Variants in HYCC1 observed in about 807,000 individuals in gnomAD.
HYCC1 encodes the protein hyccin PI4KA lipid kinase complex subunit 1, also known as hyccin.
chr7:22,911,110 G>A, the HYCC1 span, among the ~76,000 whole-genome samples: 1 of 152,108 alleles, frequency 6.6e-6, no homozygotes, highest in Admixed American at 6.5e-5. Flanking sequence ...TTCATTTCAG[G>A]AACAGAAAGG....
chr7:22,944,703 A>T, the HYCC1 span: 1 of 152,202 alleles, frequency 6.6e-6, no homozygotes, highest in East Asian at 1.9e-4. Flanking sequence ...ATTTCCAGGA[A>T]GTCTTCCAAT....
the HYCC1 span, among the ~76,000 whole-genome samples, chr7:22,950,474 G>T: frequency 1.3e-5 from 2 of 151,874 alleles, no homozygotes; most frequent in East Asian, 1.9e-4. Context: ...TGAATATTCT[G>T]TTATGAGATT....
At chr7:22,961,584 C>A in the HYCC1 span, among the ~76,000 whole-genome samples, 1 of 152,012 alleles carries the variant, frequency 6.6e-6, no homozygotes, top group African/African-American at 2.4e-5. Flanking sequence ...ATAAAAAAAG[C>A]TAAGGCAATT....
the HYCC1 span, among the ~76,000 whole-genome samples, chr7:23,005,849 T>G: frequency 6.6e-6 from 1 of 152,208 alleles, no homozygotes; most frequent in Non-Finnish European, 1.5e-5. Context: ...GATTTACACA[T>G]TTTTATCTTC....
the HYCC1 span, among the ~76,000 whole-genome samples, chr7:22,904,137 A>T: frequency 1.3e-5 from 2 of 152,298 alleles, no homozygotes; most frequent in East Asian, 3.9e-4. Context: ...ACCTTAAAAA[A>T]ATATGTTTTT....
chr7:22,955,511 A>T, the HYCC1 span, among the ~76,000 whole-genome samples: 1 of 151,698 alleles, frequency 6.6e-6, no homozygotes, highest in Non-Finnish European at 1.5e-5. Flanking sequence ...AGCACTCATT[A>T]TTTGGAACTA....
chr7:22,946,491 A>T, the HYCC1 span, among the ~76,000 whole-genome samples: 1 of 152,102 alleles, frequency 6.6e-6, no homozygotes. Flanking sequence ...ACTAGGGGTG[A>T]ACTCTCCTTC....
chr7:22,963,217 A>G, the HYCC1 span, among the ~76,000 whole-genome samples: 3 of 152,238 alleles, frequency 2.0e-5, no homozygotes, highest in Non-Finnish European at 2.9e-5. Context: ...AGATAAAGCA[A>G]GCAGTGGAAC....
At chr7:23,001,609 C>T in the HYCC1 span, among the ~76,000 whole-genome samples, 149 of 152,180 alleles carry the variant, frequency 9.8e-4, no homozygotes, top group South Asian at 2.1e-3. Flanking sequence ...AGTAAAAGAA[C>T]ATGGTAGGGT....
chr7:22,948,418 C>A, the HYCC1 span, among the ~76,000 whole-genome samples: 1 of 152,026 alleles, frequency 6.6e-6, no homozygotes, highest in Non-Finnish European at 1.5e-5. Flanking sequence ...ATTGGTATCA[C>A]CTGAGCATCT....
the HYCC1 span, among the ~76,000 whole-genome samples, chr7:22,917,773 C>T: frequency 6.6e-6 from 1 of 152,182 alleles, no homozygotes; most frequent in Non-Finnish European, 1.5e-5. Flanking sequence ...AACCACCACC[C>T]TTAAGTCTCT....
At chr7:22,993,920 T>A in the HYCC1 span, among the ~76,000 whole-genome samples, 1 of 152,132 alleles carries the variant, frequency 6.6e-6, no homozygotes, top group Non-Finnish European at 1.5e-5. Flanking sequence ...TCAACAGAAA[T>A]GAGGACATAT....
the HYCC1 span, among the ~76,000 whole-genome samples, chr7:22,906,125 A>AT: frequency 0.2 from 29,836 of 152,000 alleles, 3,560 homozygotes; most frequent in Non-Finnish European, 0.27. Context: ...GAATGCGGCA[A>AT]TTTTTTTTCC....
At chr7:23,013,825 G>C in the HYCC1 span, 3 of 421,006 alleles carry the variant, frequency 7.1e-6, no homozygotes, top group African/African-American at 6.1e-5. Context: ...TCCCGGTCCT[G>C]TCCTCGCCGC....
the HYCC1 span, among the ~76,000 whole-genome samples, chr7:22,996,113 G>A: frequency 6.6e-6 from 1 of 151,970 alleles, no homozygotes; most frequent in Non-Finnish European, 1.5e-5. Context: ...GGCCAACACA[G>A]TGAAACCCCT....
chr7:22,917,119 C>T, the HYCC1 span, among the ~76,000 whole-genome samples: 1 of 152,178 alleles, frequency 6.6e-6, no homozygotes, highest in Non-Finnish European at 1.5e-5. Context: ...GCTAAAAAAG[C>T]AGCTAGCATT....
chr7:22,924,280 G>A, the HYCC1 span, among the ~76,000 whole-genome samples: 14 of 151,884 alleles, frequency 9.2e-5, no homozygotes, highest in South Asian at 2.1e-4. Context: ...GGTGATTTCC[G>A]CATTTCCAAC....
chr7:22,898,589 C>CTTT, the HYCC1 span, among the ~76,000 whole-genome samples: 1 of 56,638 alleles, frequency 1.8e-5, no homozygotes. Context: ...CTTTTCTTTT[C>CTTT]TTTTCTTTTC....
the HYCC1 span, among the ~76,000 whole-genome samples, chr7:22,957,486 A>G: frequency 2.0e-5 from 3 of 152,098 alleles, no homozygotes; most frequent in South Asian, 4.1e-4. Context: ...AAAAGAAAAA[A>G]GGGCCAATTG....
Sources: allele counts gnomAD v4.1 joint callset (sites outside exome capture counted in the v4.1 genomes callset), GRCh38; gene constraint gnomAD v4.1.1; transcripts MANE v1.5; gene names NCBI Gene and HGNC (gene_info 2026-07-23, HGNC 2026-07-21).